The following ROBO1 variants were observed in gnomAD, a reference collection of about 807,000 sequenced individuals.
ROBO1 encodes roundabout guidance receptor 1.
A neutral mutation model predicts 195.9 loss-of-function variants in ROBO1; 149 were observed. The ratio of observed to expected loss-of-function variants is 0.76; its 90% confidence interval spans 0.67 to 0.87. The LOEUF (loss-of-function observed/expected upper bound fraction) is 0.87. Among genes scored for constraint, ROBO1 ranks in the 40% least tolerant of loss-of-function variants. The pLI is 0.00. For synonymous variants in ROBO1, 816 were observed against 733.2 expected, an observed-to-expected ratio of 1.11 and a Z score of -1.82; for missense variants, 1,933 against 2,068.3, an observed-to-expected ratio of 0.93 and a Z score of 1.27.
At chr3:79,216,212 T>C (rs1278543170) in intron 2 of ROBO1, among the ~76,000 whole-genome samples, 3 of 152,100 alleles carry the variant, frequency 2.0e-5, no homozygotes, top group Non-Finnish European at 2.9e-5. Context: ...AGACAACTTA[T>C]AGTAGATAGT....
chr3:79,456,519 A>C (rs1351731443), intron 2 of ROBO1, among the ~76,000 whole-genome samples: 3 of 152,128 alleles, frequency 2.0e-5, no homozygotes, highest in Non-Finnish European at 4.4e-5. Context: ...AAAGCTATGG[A>C]TCAATAGTTT....
chr3:79,621,755 C>T (rs1026379317), intron 1 of ROBO1, among the ~76,000 whole-genome samples: 10 of 152,074 alleles, frequency 6.6e-5, no homozygotes, highest in Admixed American at 5.9e-4. Context: ...ATAAGATATG[C>T]TCAAAGGCAT....
intron 2 of ROBO1, among the ~76,000 whole-genome samples, chr3:79,400,863 A>G (rs1186619166): frequency 6.6e-6 from 1 of 151,882 alleles, no homozygotes; most frequent in Non-Finnish European, 1.5e-5. Context: ...ATACCCTCTT[A>G]TATTTCTGTA....
chr3:79,181,755 T>A (rs2081343592), intron 2 of ROBO1, among the ~76,000 whole-genome samples: 1 of 151,886 alleles, frequency 6.6e-6, no homozygotes, highest in Admixed American at 6.6e-5. Context: ...GGAGACCCCA[T>A]CTCTACTAAA....
At chr3:78,627,215 A>C (rs1045417786) in intron 26 of ROBO1, 106 bp downstream of exon 26, 5 of 1,247,848 alleles carry the variant, frequency 4.0e-6, no homozygotes, top group Non-Finnish European at 5.5e-6. Flanking sequence ...CTGCCAGAAA[A>C]GGCTTATGAG....
intron 2 of ROBO1, among the ~76,000 whole-genome samples, chr3:79,567,064 T>C (rs1038632609): frequency 1.3e-5 from 2 of 152,156 alleles, no homozygotes; most frequent in African/African-American, 4.8e-5. Context: ...CATGGAATAC[T>C]ATGCAGCCGT....
intron 1 of ROBO1, among the ~76,000 whole-genome samples, chr3:79,657,495 T>C: frequency 6.6e-6 from 1 of 152,006 alleles, no homozygotes. Flanking sequence ...GAAAGGAAAC[T>C]TAAAATATCT....
chr3:79,452,180 GT>G (rs1220982223), intron 2 of ROBO1, among the ~76,000 whole-genome samples: 1 of 151,942 alleles, frequency 6.6e-6, no homozygotes, highest in Non-Finnish European at 1.5e-5. Flanking sequence ...ATTCAGATTA[GT>G]TTATCAAATA....
At chr3:79,597,584 C>G (rs1326707182) in intron 1 of ROBO1, among the ~76,000 whole-genome samples, 1 of 151,960 alleles carries the variant, frequency 6.6e-6, no homozygotes, top group Non-Finnish European at 1.5e-5. Context: ...ACTCTTTCCT[C>G]ATAGAAACAG....
intron 2 of ROBO1, among the ~76,000 whole-genome samples, chr3:79,357,548 C>T (rs769746075): frequency 2.0e-5 from 3 of 152,066 alleles, no homozygotes; most frequent in Non-Finnish European, 4.4e-5. Context: ...AAAATAATGA[C>T]ACTGTTTATC....
At chr3:79,253,830 G>T (rs1232636078) in intron 2 of ROBO1, among the ~76,000 whole-genome samples, 1 of 152,160 alleles carries the variant, frequency 6.6e-6, no homozygotes, top group Non-Finnish European at 1.5e-5. Flanking sequence ...GACTATAACT[G>T]AGTAACTCAC....
intron 2 of ROBO1, among the ~76,000 whole-genome samples, chr3:79,156,379 C>T (rs187891402): frequency 6.6e-6 from 1 of 151,604 alleles, no homozygotes; most frequent in Non-Finnish European, 1.5e-5. Context: ...AGATTAAACT[C>T]TTCAAGTGCA....
chr3:78,701,402 A>C (rs2081418097), intron 8 of ROBO1, among the ~76,000 whole-genome samples: 1 of 152,212 alleles, frequency 6.6e-6, no homozygotes. Flanking sequence ...GATGTGAGGC[A>C]ACATTTTAGA....
rs1271473476 is a variant in ROBO1, at chr3:78,708,898, G to A, written c.1045+5499C>T. 2.6e-5 allele frequency among the ~76,000 whole-genome samples: 4 copies of A among 152,044 alleles called. No individual in the cohort carries two copies. The East Asian group carries it at 5.8e-4, about 22-fold the overall frequency. ...GACAGAGCCAGCTATCCTAACACTC[G>A]TCAAATTGAAATGCTACAGTTCAAA... On this transcript the variant is annotated intron_variant, in intron 8 of 30. Coordinates refer to ENST00000464233, the MANE Select transcript of ROBO1 (RefSeq NM_002941.4).
chr3:78,723,094 C>T (rs182463819), intron 5 of ROBO1, among the ~76,000 whole-genome samples: 16 of 152,160 alleles, frequency 1.1e-4, no homozygotes, highest in African/African-American at 3.9e-4. Flanking sequence ...TAAGGATGAA[C>T]CTCATATATG....
At chr3:79,546,943 A>T (rs1318053965) in intron 2 of ROBO1, among the ~76,000 whole-genome samples, 2 of 152,144 alleles carry the variant, frequency 1.3e-5, no homozygotes, top group African/African-American at 4.8e-5. Flanking sequence ...GCACCTTGGG[A>T]GGCCGAGGCG....
At chr3:79,253,861 T>G (rs1043172115) in intron 2 of ROBO1, among the ~76,000 whole-genome samples, 2 of 152,220 alleles carry the variant, frequency 1.3e-5, no homozygotes, top group African/African-American at 4.8e-5. Context: ...CATATGGATT[T>G]TTTCAAGTGA....
chr3:78,904,782 G>A (rs1053114091), intron 4 of ROBO1, among the ~76,000 whole-genome samples: 2 of 150,698 alleles, frequency 1.3e-5, no homozygotes, highest in Non-Finnish European at 3.0e-5. Flanking sequence ...AGGTATATAT[G>A]TATACATTTG....
intron 4 of ROBO1, among the ~76,000 whole-genome samples, chr3:78,844,342 T>C (rs932595584): frequency 1.3e-5 from 2 of 152,098 alleles, no homozygotes; most frequent in Admixed American, 1.3e-4. Context: ...TCTGCAATTA[T>C]TTTTTTAACC....
Sources: allele counts gnomAD v4.1 joint callset (sites outside exome capture counted in the v4.1 genomes callset), GRCh38; gene constraint gnomAD v4.1.1; transcripts MANE v1.5; gene names NCBI Gene and HGNC (gene_info 2026-07-23, HGNC 2026-07-21).